The following LRP1 variants were observed in gnomAD, a reference collection of about 807,000 sequenced individuals.
The protein encoded by LRP1 is prolow-density lipoprotein receptor-related protein 1.
LRP1 carries 51 observed loss-of-function variants against 541.5 expected under a neutral mutation model. The observed-to-expected ratio is 0.09, with a 90% CI of 0.08 to 0.12. LRP1 has a LOEUF of 0.12. Ranked by LOEUF, LRP1 falls within the 10% of genes least tolerant of loss-of-function variation. The probability of loss-of-function intolerance (pLI) is 1.00; values close to 1 mark genes in which losing one functional copy is unlikely to be tolerated. For synonymous variants in LRP1, 2,219 were observed against 2,470.8 expected (o/e 0.90, Z 3.02); for missense variants, 3,878 against 6,376.2 (o/e 0.61, Z 13.34).
At chr12:57,181,737 G>A (rs2036169719) in intron 34 of LRP1, among the ~76,000 whole-genome samples, 1 of 152,172 alleles carries the variant, frequency 6.6e-6, no homozygotes, top group African/African-American at 2.4e-5. Context: ...CCGCAATGGT[G>A]GTGGGGAAGA....
intron 43 of LRP1, 31 bp downstream of exon 43, chr12:57,191,040 C>T (rs770619514): frequency 4.4e-5 from 70 of 1,587,620 alleles, no homozygotes; most frequent in Middle Eastern, 1.7e-4. Context: ...AGCTGGCGGG[C>T]GGCTGAGGGG....
rs1270657448 is a variant in LRP1, at chr12:57,158,370, TCTGA to T, written c.1562-28_1562-25del. 1.3e-6 allele frequency: 2 copies of T among 1,549,276 alleles called. No homozygotes were observed. On this transcript the variant is annotated intron_variant, in intron 10 of 88. Transcript: ENST00000243077. This position sits in a 1 kb window ranked among gnomAD's most constrained non-coding sequence, Gnocchi z 5.3. Reference sequence around the variant, plus strand: ...GGTGGGGATGATGGTCATGTGTGTGTCTGACTGTACCCTGGCTTGTGCCTGCTCT... The same window carrying T: ...GGTGGGGATGATGGTCATGTGTGTGTCTGTACCCTGGCTTGTGCCTGCTCT...
At position 57,179,651 on chromosome 12, in the gene LRP1, TC is replaced by T; in HGVS notation, c.4966+98del. The T allele has an allele frequency of 7.0e-7, 1 of 1,418,930 alleles. No individual in the cohort carries two copies. Among genetic ancestry groups the T allele is most frequent in the Non-Finnish European group, 9.8e-7 (1 of 1,016,692 alleles). The allele number at this position is 1,418,930 out of a possible 1,614,324, so 87.9% of individuals were successfully genotyped here. On this transcript the variant is annotated intron_variant, in intron 29 of 88. Transcript: ENST00000243077. This position sits in a 1 kb window ranked among gnomAD's most constrained non-coding sequence, Gnocchi z 6.8. Reference sequence around the variant, plus strand: ...GTCTACTTGGTCCGAGTGGTCCTTCTCCCAGTCCTGTTCCCCCTCAGTGCTC... The same window carrying T: ...GTCTACTTGGTCCGAGTGGTCCTTCTCCAGTCCTGTTCCCCCTCAGTGCTC...
At position 57,161,998 on chromosome 12, in the gene LRP1, A is replaced by AGT. The variant is rs113233161; in HGVS notation, c.2203-301_2203-300dup. 5.4e-3 allele frequency among the ~76,000 whole-genome samples: 809 copies of AGT among 149,726 alleles called. 5 individuals carry two copies. The highest frequency in any genetic ancestry group is 8.6e-3 in the Non-Finnish European group (577 of 67,128). On this transcript the variant is annotated intron_variant, in intron 13 of 88. Transcript: ENST00000243077. ...GTGTGTGTGTGCGCGCACGCATATG[A>AGT]GTGTGTGTGTGTGTGTGTGCACGTA...
At chr12:57,148,503 C>A (rs2035460459) in intron 6 of LRP1, among the ~76,000 whole-genome samples, 3 of 152,262 alleles carry the variant, frequency 2.0e-5, no homozygotes, top group Admixed American at 6.5e-5. Flanking sequence ...TGTAACCCAG[C>A]TTTGTCCAGC....
chr12:57,205,047 G>A lies in LRP1; in HGVS notation c.11195-62G>A, dbSNP rs921500144. 33 of 1,551,562 alleles carry A rather than the reference G, an allele frequency of 2.1e-5. No individual in the cohort carries two copies. Among genetic ancestry groups the A allele is most frequent in the Non-Finnish European group, 2.9e-5 (33 of 1,145,588 alleles). On this transcript the variant is annotated intron_variant, in intron 72 of 88. Coordinates refer to ENST00000243077, the MANE Select transcript of LRP1 (RefSeq NM_002332.3). This position sits in a 1 kb window ranked among gnomAD's most constrained non-coding sequence, Gnocchi z 4.6. ...ATTGGGAGCCACTGTTATCTATGGGGTTGCCGTGGGAGGAGGAGGCAGGGG... is the reference window on the plus strand; with the variant it reads ...ATTGGGAGCCACTGTTATCTATGGGATTGCCGTGGGAGGAGGAGGCAGGGG...
chr12:57,134,704 T>C (rs1246505480), intron 1 of LRP1, among the ~76,000 whole-genome samples: 1 of 151,780 alleles, frequency 6.6e-6, no homozygotes, highest in Admixed American at 6.6e-5. Context: ...CCTTTCTTTC[T>C]TTCTTTTTTT....
chr12:57,200,364 C>A, intron 62 of LRP1, 78 bp from the exon 63 acceptor site: 1 of 916,214 alleles, frequency 1.1e-6, no homozygotes, highest in Non-Finnish European at 1.8e-6. Context: ...TTCTTTGAAA[C>A]ATCCAAGCCC....
At chr12:57,186,659 C>G (rs577182210) in intron 41 of LRP1, among the ~76,000 whole-genome samples, 1 of 152,198 alleles carries the variant, frequency 6.6e-6, no homozygotes, top group Non-Finnish European at 1.5e-5. Context: ...ACTCCATGCT[C>G]GTAGCTTGAT....
In LRP1 at chr12:57,205,875, T is replaced by C; in HGVS notation, c.11590+198T>C. 1 of 751,064 alleles carries C rather than the reference T, an allele frequency of 1.3e-6. No homozygotes were observed. The highest frequency in any genetic ancestry group is 2.7e-5 in the East Asian group (1 of 36,636). 46.5% of individuals were successfully genotyped at this position (751,064 alleles called of 1,614,324 possible). A position where few individuals can be genotyped will look rare whatever the true frequency, so the allele number is the denominator to read the frequency against. On this transcript the variant is annotated intron_variant, in intron 75 of 88. Transcript: ENST00000243077. This position sits in a 1 kb window ranked among gnomAD's most constrained non-coding sequence, Gnocchi z 4.6. ...TCCTGGGGCTGGCTGACTGAAGGAG[T>C]CTGGGGTGTGGCAGTGCTCTGAATT...
At position 57,189,248 on chromosome 12, in the gene LRP1, A is replaced by G. The variant is rs1452879999; in HGVS notation, c.7032-1557A>G. 6.6e-6 allele frequency among the ~76,000 whole-genome samples: 1 copy of G among 152,164 alleles called. No homozygotes were observed. Among genetic ancestry groups the G allele is most frequent in the Non-Finnish European group, 1.5e-5 (1 of 68,020 alleles). On this transcript the variant is annotated intron_variant, in intron 42 of 88. Coordinates refer to ENST00000243077, the MANE Select transcript of LRP1 (RefSeq NM_002332.3). The surrounding 1 kb of genome is among the most constrained non-coding windows in gnomAD (Gnocchi z 4.4). ...GTTTGTTGACGCCAGGAGGAAAACC[A>G]CTTCTCACTGCAGGTGTGAGTAGTT...
rs892969702 is a variant in LRP1 at position 57,138,392 on chromosome 12, G to C, written c.68-67G>C. On this transcript the variant is annotated intron_variant, in intron 1 of 88. Coordinates refer to ENST00000243077, the MANE Select transcript of LRP1 (RefSeq NM_002332.3). ...GCTAGGGAAGGAAGAGCAGTACTAG[G>C]GGACTTTGGGTTCACAGAGTTGGCC... 1.9e-6 allele frequency: 3 copies of C among 1,577,480 alleles called. No individual in the cohort carries two copies. In the African/African-American group the frequency reaches 4.0e-5, roughly 21 times the overall value.
At chr12:57,210,503 G>A (rs775332262) in intron 82 of LRP1, 23 bp downstream of exon 82, 150 of 1,518,714 alleles carry the variant, frequency 9.9e-5, no homozygotes, top group Non-Finnish European at 1.2e-4. Context: ...ATCCCGCCAC[G>A]CCTGCTCCTT....
At chr12:57,142,760 T>C (rs753290836) in intron 3 of LRP1, among the ~76,000 whole-genome samples, 1 of 152,156 alleles carries the variant, frequency 6.6e-6, no homozygotes, top group Non-Finnish European at 1.5e-5. Flanking sequence ...CAAATGATAT[T>C]TTCCCCCTCT....
intron 68 of LRP1, 51 bp from the exon 69 acceptor site, chr12:57,203,107 GGGACTGTGGCACTACTGAGGCCT>G: frequency 9.0e-7 from 1 of 1,105,898 alleles, no homozygotes; most frequent in Middle Eastern, 2.1e-4. Flanking sequence ...CCTTGGGCTC[GGGACTGTGGCACTACTGAGGCCT>G]GGAGTCCTTG....
At chr12:57,139,474 C>T (rs2035242354) in intron 2 of LRP1, among the ~76,000 whole-genome samples, 1 of 152,162 alleles carries the variant, frequency 6.6e-6, no homozygotes, top group Admixed American at 6.5e-5. Flanking sequence ...CCTGGAGTCT[C>T]TTCTTGTCTG....
chr12:57,207,879 C>T (rs544032790), intron 76 of LRP1, among the ~76,000 whole-genome samples, 159 bp from the exon 77 acceptor site: 13 of 152,360 alleles, frequency 8.5e-5, no homozygotes, highest in Non-Finnish European at 1.5e-4. Flanking sequence ...GTGAGAGCTG[C>T]GAGTCTGGCG....
chr12:57,202,543 T>TGC lies in LRP1; in HGVS notation c.10711+6_10711+7insGC, dbSNP rs2036678788. On this transcript the variant is annotated splice_region_variant and intron_variant, in intron 68 of 88. Coordinates refer to ENST00000243077, the MANE Select transcript of LRP1 (RefSeq NM_002332.3). ...CTCCGATGAAGAGAGCTGCAGTACG[T>TGC]CCCCACCCACCCAGCCCCGCATGAG... 8 of 1,523,630 alleles carry TGC rather than the reference T, an allele frequency of 5.3e-6. No homozygotes were observed. Among genetic ancestry groups the TGC allele is most frequent in the African/African-American group, 1.4e-5 (1 of 71,846 alleles). 94.4% of individuals were successfully genotyped at this position (1,523,630 alleles called of 1,614,324 possible). A position where few individuals can be genotyped will look rare whatever the true frequency, so the allele number is the denominator to read the frequency against.
chr12:57,179,268 C>A lies in LRP1; in HGVS notation c.4739-61C>A. The A allele has an allele frequency of 1.4e-6, 2 of 1,385,320 alleles. No individual in the cohort carries two copies. Among genetic ancestry groups the A allele is most frequent in the Non-Finnish European group, 2.0e-6 (2 of 985,692 alleles). 85.8% of individuals were successfully genotyped at this position (1,385,320 alleles called of 1,614,324 possible). A position where few individuals can be genotyped will look rare whatever the true frequency, so the allele number is the denominator to read the frequency against. The stretch of plus-strand genomic sequence containing the variant: ...ATCCAGAAGAAGGCAGGGCCTGAAA[C>A]CGGATTGGTGGGAAGCACAGAGGCA... On this transcript the variant is annotated intron_variant, in intron 28 of 88. Coordinates refer to ENST00000243077, the MANE Select transcript of LRP1 (RefSeq NM_002332.3). The surrounding 1 kb of genome is among the most constrained non-coding windows in gnomAD (Gnocchi z 6.8).
Sources: allele counts gnomAD v4.1 joint callset (sites outside exome capture counted in the v4.1 genomes callset), GRCh38; gene constraint gnomAD v4.1.1; non-coding constraint Gnocchi (gnomAD v3.1); transcripts MANE v1.5; gene names NCBI Gene and HGNC (gene_info 2026-07-23, HGNC 2026-07-21).